TRABD2A: variants seen among roughly 807,000 people sequenced by gnomAD.
The protein encoded by TRABD2A is TraB domain containing 2A.
A neutral mutation model predicts 45.6 loss-of-function variants in TRABD2A; 43 were observed. That is an observed-to-expected ratio of 0.94 (90% CI 0.74 to 1.22). The LOEUF (loss-of-function observed/expected upper bound fraction) is 1.22. TRABD2A is among the 50% of genes most tolerant of loss of function. The pLI is 0.00. For missense variants in TRABD2A, 642 were observed against 652.4 expected, an observed-to-expected ratio of 0.98 and a Z score of 0.17; for synonymous variants, 269 against 265.0, an observed-to-expected ratio of 1.02 and a Z score of -0.15.
intron 5 of TRABD2A, among the ~76,000 whole-genome samples, chr2:84,827,867 AG>A: frequency 6.6e-6 from 1 of 152,378 alleles, no homozygotes; most frequent in South Asian, 2.1e-4. Context: ...GGCAGCCTCT[AG>A]AAGCTGGGAA....
chr2:84,824,183 G>A lies in TRABD2A; in HGVS notation c.1104C>T (p.Ser368=), dbSNP rs775473819. 1 of 1,613,984 alleles carries A rather than the reference G, an allele frequency of 6.2e-7. No homozygotes were observed. Among genetic ancestry groups the A allele is most frequent in the Non-Finnish European group, 8.5e-7 (1 of 1,179,886 alleles). The change falls in exon 6 of 7, where the codon TCC becomes TCT. Residue 368 remains serine (S), a synonymous_variant. Transcript: ENST00000409520. ...AGATGGTGGACAGAGTGGGCCGTGT[G>A]GAGGTCTTTTTACTCTTCCCTCTGT... The part of the protein sequence containing the change: ...PIHKGKSKKT[S]TRPTLSTIFA...
At chr2:84,823,389 G>A (rs1681050794) in intron 6 of TRABD2A, among the ~76,000 whole-genome samples, 1 of 152,142 alleles carries the variant, frequency 6.6e-6, no homozygotes, top group South Asian at 2.1e-4. Flanking sequence ...ACAAAGGAGG[G>A]ACTCAATAAG....
rs1464271559 is a variant in TRABD2A, at chr2:84,842,943, C to T, written c.670-936G>A. ...GATTCAAGATCCTGATGCCAGGAAC[C>T]CTATCTCTCCAGCTCTGACCCAGAT... On this transcript the variant is annotated intron_variant, in intron 2 of 6. Transcript: ENST00000409520. Among the ~76,000 whole-genome samples, 3 of 151,468 alleles carry T rather than the reference C, an allele frequency of 2.0e-5. No homozygotes were observed. The East Asian group carries it at 5.9e-4, about 30-fold the overall frequency.
chr2:84,858,913 A>T (rs1235312568), intron 2 of TRABD2A, among the ~76,000 whole-genome samples: 1 of 152,150 alleles, frequency 6.6e-6, no homozygotes, highest in Non-Finnish European at 1.5e-5. Context: ...GGATCTTTAG[A>T]TGCCAGGAGT....
At chr2:84,833,370 T>G (rs1206552539) in intron 4 of TRABD2A, 2 of 152,324 alleles carry the variant, frequency 1.3e-5, no homozygotes, top group Admixed American at 1.3e-4. Context: ...TCACCACTGA[T>G]CCTAGGTTAT....
chr2:84,826,274 CAACA>C (rs1194560792), intron 5 of TRABD2A, among the ~76,000 whole-genome samples: 7 of 152,296 alleles, frequency 4.6e-5, no homozygotes, highest in East Asian at 1.9e-4. Flanking sequence ...GTTCAACTCA[CAACA>C]AACAAAGACC....
At chr2:84,871,216 G>T (rs936900157) in intron 1 of TRABD2A, among the ~76,000 whole-genome samples, 2 of 152,188 alleles carry the variant, frequency 1.3e-5, no homozygotes, top group African/African-American at 2.4e-5. Context: ...CCCTAGCAAT[G>T]AACTGGGCAA....
At chr2:84,854,537 G>C (rs1257804408) in intron 2 of TRABD2A, among the ~76,000 whole-genome samples, 2 of 152,088 alleles carry the variant, frequency 1.3e-5, no homozygotes, top group Non-Finnish European at 1.5e-5. Flanking sequence ...CTAGGAAATG[G>C]GGGAGCCAGG....
In TRABD2A at chr2:84,838,962, T is replaced by G. The variant is rs562935380; in HGVS notation, c.991+187A>C. The G allele has an allele frequency of 2.5e-5, 15 of 605,816 alleles. No homozygotes were observed. The East Asian group carries it at 3.6e-4, about 15-fold the overall frequency. 37.5% of individuals were successfully genotyped at this position (605,816 alleles called of 1,614,324 possible). A position where few individuals can be genotyped will look rare whatever the true frequency, so the allele number is the denominator to read the frequency against. On this transcript the variant is annotated intron_variant, in intron 4 of 6. Coordinates refer to ENST00000409520, the MANE Select transcript of TRABD2A (RefSeq NM_001277053.2). ...ATGCACCAGCTCATCCAGCAACATT[T>G]CAACCATGCTGGATGCTCCATCCCC... is the stretch of plus-strand genomic sequence containing the variant.
Position 84,828,492 on chromosome 2 carries a change from G to A in TRABD2A, c.1082+3563C>T, listed in dbSNP as rs916451765. Among the ~76,000 whole-genome samples the A allele has an allele frequency of 2.1e-4, 32 of 152,080 alleles. 1 individual carries two copies. The highest frequency in any genetic ancestry group is 7.7e-4 in the African/African-American group (32 of 41,412). ...GTCCTCCTTGCCAGCCCCTCTTTGT[G>A]GGCATTCTCCCCAACCCACTTCCCT... On this transcript the variant is annotated intron_variant, in intron 5 of 6. Transcript: ENST00000409520.
rs1249034555 is a variant in TRABD2A at position 84,824,516 on chromosome 2, C to T, written c.1083-312G>A. 2.7e-5 allele frequency among the ~76,000 whole-genome samples: 4 copies of T among 150,670 alleles called. 1 individual carries two copies. In the East Asian group the frequency reaches 7.8e-4, roughly 29 times the overall value. On this transcript the variant is annotated intron_variant, in intron 5 of 6. Transcript: ENST00000409520. ...AGTTTTCCAACAATGAACAGGTCAG[C>T]ACTGTCTAGAAAGACACTGACAATT...
chr2:84,868,355 A>G (rs564991962), intron 2 of TRABD2A, among the ~76,000 whole-genome samples: 2 of 148,104 alleles, frequency 1.4e-5, no homozygotes, highest in Non-Finnish European at 3.0e-5. Flanking sequence ...CAAACACCGC[A>G]TGTTCTCATT....
At chr2:84,859,341 A>G (rs957881661) in intron 2 of TRABD2A, among the ~76,000 whole-genome samples, 4 of 152,240 alleles carry the variant, frequency 2.6e-5, no homozygotes, top group African/African-American at 4.8e-5. Context: ...CAATTAGTAA[A>G]CACCCACATG....
intron 6 of TRABD2A, 101 bp from the exon 7 acceptor site, chr2:84,822,201 CT>C: frequency 9.8e-7 from 1 of 1,018,872 alleles, no homozygotes; most frequent in Non-Finnish European, 1.4e-6. Flanking sequence ...ATCTCCCCTC[CT>C]TATAGACAGG....
chr2:84,827,098 A>G (rs1342995838), intron 5 of TRABD2A, among the ~76,000 whole-genome samples: 1 of 152,206 alleles, frequency 6.6e-6, no homozygotes, highest in African/African-American at 2.4e-5. Context: ...GCTGGATCCC[A>G]TCACAGGCTC....
chr2:84,880,672 T>G (rs894963002), intron 1 of TRABD2A, among the ~76,000 whole-genome samples: 5 of 152,170 alleles, frequency 3.3e-5, no homozygotes, highest in African/African-American at 1.2e-4. Flanking sequence ...CCCCAGAGGC[T>G]CTCTCGGACG....
chr2:84,871,485 CT>C (rs556910847), intron 1 of TRABD2A, among the ~76,000 whole-genome samples: 20,907 of 146,142 alleles, frequency 0.14, 1,834 homozygotes, highest in African/African-American at 0.26. Context: ...AGAAATGCTA[CT>C]TTTTTTTTTT....
intron 2 of TRABD2A, among the ~76,000 whole-genome samples, chr2:84,853,515 C>G (rs888593229): frequency 6.6e-6 from 1 of 152,172 alleles, no homozygotes; most frequent in Non-Finnish European, 1.5e-5. Context: ...TCAATTACCT[C>G]CCACCTGGTC....
chr2:84,874,288 C>T (rs919669491), intron 1 of TRABD2A, among the ~76,000 whole-genome samples: 1 of 152,210 alleles, frequency 6.6e-6, no homozygotes, highest in African/African-American at 2.4e-5. Flanking sequence ...CGCACATACA[C>T]GTCTGGCCTC....
Sources: allele counts gnomAD v4.1 joint callset (sites outside exome capture counted in the v4.1 genomes callset), GRCh38; gene constraint gnomAD v4.1.1; transcripts MANE v1.5; gene names NCBI Gene and HGNC (gene_info 2026-07-23, HGNC 2026-07-21).